Variants in THSD4 observed in about 807,000 individuals in gnomAD.
The protein encoded by THSD4 is thrombospondin type-1 domain-containing protein 4.
Under a neutral mutation model 119.0 loss-of-function variants are expected in THSD4, and 69 were observed. That is an observed-to-expected ratio of 0.58 (90% confidence interval 0.48 to 0.71). The LOEUF (loss-of-function observed/expected upper bound fraction) is 0.71. Ranked by LOEUF, THSD4 falls within the 30% of genes least tolerant of loss-of-function variation. The pLI is 0.00. For missense variants in THSD4, 1,393 were observed against 1,391.1 expected, an observed-to-expected ratio of 1.00 and a Z score of -0.02; for synonymous variants, 524 against 540.4, an observed-to-expected ratio of 0.97 and a Z score of 0.42.
Position 71,215,358 on chromosome 15 carries a change from GC to G in THSD4, c.424del (p.His142ThrfsTer106). ...GCCCCACGGTGCTGCGAGGCAGCCG[GC>G]ACCCACAGCCCCAGGGCCTCGAAGT... is the stretch of plus-strand genomic sequence containing the variant. ...QGPTVLRGSR[H>X]PQPQGLEVTG... is the part of the protein sequence containing the mutation. On this transcript the variant is annotated frameshift_variant, in exon 4 of 18. Transcript: ENST00000261862. LOFTEE classifies it high-confidence loss of function. The G allele has an allele frequency of 6.5e-7, 1 of 1,532,208 alleles. No individual in the cohort carries two copies. 94.9% of individuals were successfully genotyped at this position (1,532,208 alleles called of 1,614,324 possible).
intron 6 of THSD4, among the ~76,000 whole-genome samples, chr15:71,339,422 GC>G (rs2045533742): frequency 6.6e-6 from 1 of 151,932 alleles, no homozygotes; most frequent in Non-Finnish European, 1.5e-5. Flanking sequence ...TCTGTACTTT[GC>G]ACAAATGTCC....
Position 71,728,622 on chromosome 15 carries a change from C to T in THSD4, c.1431C>T (p.Gly477=), listed in dbSNP as rs762593257. The T allele has an allele frequency of 1.8e-5, 29 of 1,614,048 alleles. No individual in the cohort carries two copies. Among genetic ancestry groups the T allele is most frequent in the South Asian group, 1.1e-4 (10 of 91,078 alleles). ...WAIDRPGKYE[G]GGTMFTYKRP... ...TTGATCGACCAGGAAAATACGAGGG[C>T]GGAGGGACCATGTTCACCTACAAGC... The change falls in exon 9 of 18, where the codon GGC becomes GGT. Residue 477 remains glycine, a synonymous_variant. Transcript: ENST00000261862.
intron 8 of THSD4, among the ~76,000 whole-genome samples, chr15:71,711,902 T>G (rs572335254): frequency 2.6e-5 from 4 of 152,154 alleles, no homozygotes; most frequent in Non-Finnish European, 5.9e-5. Context: ...CTAAAACACA[T>G]GAAGCAAAAA....
chr15:71,676,696 G>C (rs1334130728), intron 8 of THSD4, among the ~76,000 whole-genome samples: 1 of 152,106 alleles, frequency 6.6e-6, no homozygotes, highest in Non-Finnish European at 1.5e-5. Context: ...CCTATTCTAG[G>C]AACCTCATAC....
chr15:71,559,657 A>G (rs930132856), intron 7 of THSD4, among the ~76,000 whole-genome samples: 1 of 152,010 alleles, frequency 6.6e-6, no homozygotes, highest in Non-Finnish European at 1.5e-5. Context: ...AAGAAGAATA[A>G]TATTCATCGC....
chr15:71,191,717 C>T (rs989930425), intron 3 of THSD4, among the ~76,000 whole-genome samples: 12 of 152,112 alleles, frequency 7.9e-5, no homozygotes, highest in African/African-American at 2.9e-4. Context: ...CTTGCCGCAG[C>T]CCACTGTTGC....
chr15:71,640,522 T>C (rs2050836563), intron 7 of THSD4, among the ~76,000 whole-genome samples: 1 of 152,188 alleles, frequency 6.6e-6, no homozygotes, highest in African/African-American at 2.4e-5. Context: ...GTGATGTAAG[T>C]TGAGGCCACT....
chr15:71,745,221 C>A lies in THSD4; in HGVS notation c.2022C>A (p.Phe674Leu). The change falls in exon 12 of 18, where the codon TTC (phenylalanine) becomes TTA (leucine). Residue 674 changes from phenylalanine (F) to leucine (L), a missense_variant. Phe to Leu is a conservative substitution (Grantham distance 22). Coordinates refer to ENST00000261862, the MANE Select transcript of THSD4 (RefSeq NM_024817.3). ...PTPEEEPCNI[F>L]PCPAFWDIGE... ...CCGAGGAGGAGCCCTGCAACATCTT[C>A]CCTTGCCCAGCCTTGTAAGAAGGCC... 6.2e-7 allele frequency: 1 copy of A among 1,613,968 alleles called. No individual in the cohort carries two copies. The highest frequency in any genetic ancestry group is 2.2e-5 in the East Asian group (1 of 44,888).
chr15:71,412,231 C>A (rs1267172245), intron 7 of THSD4, among the ~76,000 whole-genome samples: 1 of 152,192 alleles, frequency 6.6e-6, no homozygotes, highest in Non-Finnish European at 1.5e-5. Flanking sequence ...TATCTTGCCT[C>A]TCCCCAGAAG....
intron 7 of THSD4, among the ~76,000 whole-genome samples, chr15:71,441,343 G>GATATGAGCAGCAAATGT (rs1566984115): frequency 8.8e-5 from 3 of 34,270 alleles, no homozygotes; most frequent in Admixed American, 3.5e-4. Flanking sequence ...AACAGGGTTC[G>GATATGAGCAGCAAATGT]GGAGAGAGGG....
intron 7 of THSD4, among the ~76,000 whole-genome samples, chr15:71,494,247 TG>T (rs1416880917): frequency 6.6e-6 from 1 of 152,200 alleles, no homozygotes; most frequent in Non-Finnish European, 1.5e-5. Context: ...GAACATTATT[TG>T]GTTAAATTAT....
At chr15:71,181,215 A>T (rs887313428) in intron 3 of THSD4, among the ~76,000 whole-genome samples, 1 of 152,184 alleles carries the variant, frequency 6.6e-6, no homozygotes, top group East Asian at 1.9e-4. Flanking sequence ...AATATAACTG[A>T]CTGCTGCTGA....
intron 7 of THSD4, among the ~76,000 whole-genome samples, chr15:71,471,420 C>T (rs2140640911): frequency 6.6e-6 from 1 of 152,212 alleles, no homozygotes; most frequent in Non-Finnish European, 1.5e-5. Flanking sequence ...ATCTCTCCCA[C>T]ACCCCTCTTA....
chr15:71,594,168 T>C (rs1419393717), intron 7 of THSD4, among the ~76,000 whole-genome samples: 1 of 151,894 alleles, frequency 6.6e-6, no homozygotes, highest in East Asian at 1.9e-4. Flanking sequence ...CACTGGACTC[T>C]TATTTCCTTT....
chr15:71,172,838 T>C (rs1250594692), intron 3 of THSD4, among the ~76,000 whole-genome samples: 2 of 150,474 alleles, frequency 1.3e-5, no homozygotes, highest in East Asian at 3.9e-4. Flanking sequence ...AATCTGTATC[T>C]TGTACAATAT....
intron 7 of THSD4, among the ~76,000 whole-genome samples, chr15:71,630,458 T>C (rs765592710): frequency 2.6e-5 from 4 of 152,240 alleles, no homozygotes; most frequent in Non-Finnish European, 5.9e-5. Context: ...TTTCTTGTCA[T>C]GCTTTCCTCA....
Position 71,768,249 on chromosome 15 carries a change from C to T in THSD4, c.2770-2815C>T, listed in dbSNP as rs1288121662. ...CTAACATCCCCAAAAGAGAGGCAGC[C>T]CCCCGGAAGTAGTCTCACAAAAAAA... On this transcript the variant is annotated intron_variant, in intron 16 of 17. Transcript: ENST00000261862. 2.0e-5 allele frequency among the ~76,000 whole-genome samples: 3 copies of T among 149,524 alleles called. No homozygotes were observed. The East Asian group carries it at 5.8e-4, about 29-fold the overall frequency.
intron 6 of THSD4, among the ~76,000 whole-genome samples, chr15:71,343,715 A>AT (rs35533590): frequency 0.045 from 6,114 of 134,760 alleles, 310 homozygotes; most frequent in Admixed American, 0.16. Flanking sequence ...TCATCTCAGG[A>AT]TTTTTTTTTT....
intron 13 of THSD4, among the ~76,000 whole-genome samples, chr15:71,747,975 G>A (rs1363203161): frequency 6.6e-6 from 1 of 152,208 alleles, no homozygotes; most frequent in Admixed American, 6.5e-5. Flanking sequence ...GTTGGGTCCT[G>A]TTTATAATTT....
Sources: gnomAD v4.1 joint callset for allele counts (sites outside exome capture counted in the v4.1 genomes callset) on GRCh38, gnomAD v4.1.1 for gene constraint, MANE v1.5 for transcripts, NCBI Gene and HGNC (gene_info 2026-07-23, HGNC 2026-07-21) for gene names.